Variants in NKX1-1 observed in about 807,000 individuals in gnomAD.
NKX1-1 encodes the protein NK1 transcription factor-related protein 1.
In NKX1-1, 7 loss-of-function variants were observed where a neutral mutation model predicts 1.7. The observed-to-expected ratio is 4.22, with a 90% confidence interval of 2.40 to 7.92. The LOEUF is 7.92. Among genes scored for constraint, NKX1-1 ranks in the 30% most tolerant of loss-of-function variants. The pLI is 0.00. For missense variants in NKX1-1, 453 were observed against 171.5 expected, an observed-to-expected ratio of 2.64 and a Z score of -9.17; for synonymous variants, 242 against 85.3, an observed-to-expected ratio of 2.84 and a Z score of -10.13.
rs1250609500 is a variant in NKX1-1, at chr4:1,403,164, G to A, written c.1115C>T (p.Pro372Leu). The change falls in exon 2 of 2, where the codon CCG (proline) becomes CTG (leucine). Residue 372 changes from proline to leucine, a missense_variant. Pro to Leu is a moderately conservative substitution (Grantham distance 98, BLOSUM62 -3). Transcript: ENST00000422806. Reference protein sequence around the residue: ...APTGGGGGPGPGAGPGTGLPG... With the variant: ...APTGGGGGPGLGAGPGTGLPG... ...CAGCCCCGTGCCAGGCCCGGCCCCC[G>A]GTCCCGGTCCGCCCCCGCCGCCGGT... is the stretch of plus-strand genomic sequence containing the variant. 5.0e-6 allele frequency: 3 copies of A among 596,760 alleles called. No individual in the cohort carries two copies. Among genetic ancestry groups the A allele is most frequent in the South Asian group, 3.6e-5 (2 of 55,002 alleles). The allele number at this position is 596,760 out of a possible 1,614,324, so 37.0% of individuals were successfully genotyped here. A position where few individuals can be genotyped will look rare whatever the true frequency, so the allele number is the denominator to read the frequency against.
chr4:1,406,425 G>A lies in NKX1-1; in HGVS notation c.18C>T (p.Pro6=), dbSNP rs570151861. The A allele has an allele frequency of 1.0e-4, 34 of 340,352 alleles. 1 individual carries two copies. In the South Asian group the frequency reaches 4.5e-3, roughly 45 times the overall value. The allele number at this position is 340,352 out of a possible 1,614,324, so 21.1% of individuals were successfully genotyped here. Residue 6 remains proline (P), a synonymous_variant, in exon 1 of 2, where the codon CCC becomes CCT. Transcript: ENST00000422806. ...GCGCGGGAATGTCCCCAGGAGCCTC[G>A]GGGCCGCTAGCGCTCATGCCGGCCT... MSASG[P]EAPGDIPALP...
In NKX1-1 at chr4:1,403,067, C is replaced by A; in HGVS notation, c.1212G>T (p.Gly404=). ...GAPLGMHGPA[G]YPAHGPGGLV... is the part of the protein sequence containing the mutation. Reference sequence around the variant, plus strand: ...GGCCTCCGGGGCCGTGCGCCGGGTACCCGGCCGGGCCGTGCATGCCGAGCG... The same window carrying A: ...GGCCTCCGGGGCCGTGCGCCGGGTAACCGGCCGGGCCGTGCATGCCGAGCG... The change falls in exon 2 of 2, where the codon GGG becomes GGT. Residue 404 remains glycine (G), a synonymous_variant. Transcript: ENST00000422806. 1 of 487,434 alleles carries A rather than the reference C, an allele frequency of 2.1e-6. No homozygotes were observed. The highest frequency in any genetic ancestry group is 3.6e-6 in the Non-Finnish European group (1 of 277,756). 30.2% of individuals were successfully genotyped at this position (487,434 alleles called of 1,614,324 possible).
chr4:1,403,852 T>C, intron 1 of NKX1-1, 37 bp from the exon 2 acceptor site: 1 of 598,682 alleles, frequency 1.7e-6, no homozygotes, highest in Non-Finnish European at 3.0e-6. Flanking sequence ...GCAGGGCAGT[T>C]AGGACCGGCC....
In NKX1-1 at chr4:1,403,777, T is replaced by G. The variant is rs912730928; in HGVS notation, c.502A>C (p.Asn168His). 5.9e-6 allele frequency: 4 copies of G among 683,730 alleles called. No homozygotes were observed. The Admixed American group carries it at 8.2e-5, about 14-fold the overall frequency. 42.4% of individuals were successfully genotyped at this position (683,730 alleles called of 1,614,324 possible). ...CCGCTGCTGTAGCCGTTGGTGTCGTTGGTCTCGGCCTCCCCTGCCTTGAAG... is the reference window on the plus strand; with the variant it reads ...CCGCTGCTGTAGCCGTTGGTGTCGTGGGTCTCGGCCTCCCCTGCCTTGAAG... The part of the protein sequence containing the change: ...DPFKAGEAET[N>H]DTNGYSSGGG... The change falls in exon 2 of 2, where the codon AAC becomes CAC. Residue 168 changes from asparagine to histidine, a missense_variant. Coordinates refer to ENST00000422806, the MANE Select transcript of NKX1-1 (RefSeq NM_001290079.1).
Position 1,403,572 on chromosome 4 carries a change from G to A in NKX1-1, c.707C>T (p.Ser236Phe), listed in dbSNP as rs1316048441. 4.4e-6 allele frequency: 2 copies of A among 454,078 alleles called. No homozygotes were observed. The highest frequency in any genetic ancestry group is 3.6e-5 in the East Asian group (1 of 27,770). The allele number at this position is 454,078 out of a possible 1,614,324, so 28.1% of individuals were successfully genotyped here. Residue 236 changes from serine to phenylalanine, a missense_variant, in exon 2 of 2, where the codon TCC becomes TTC. By Grantham distance (155) the Ser-to-Phe change is radical (BLOSUM62 -2). Transcript: ENST00000422806. Reference sequence around the variant, plus strand: ...TGCCTCGTCGACGGTGGCTCCGGGGGACGCGTCGGTCTCAGCCGCGCCCTG... The same window carrying A: ...TGCCTCGTCGACGGTGGCTCCGGGGAACGCGTCGGTCTCAGCCGCGCCCTG... ...GCQGAAETDA[S>F]PGATVDEAAA... is the part of the protein sequence containing the mutation.
Position 1,406,240 on chromosome 4 carries a change from G to GC in NKX1-1, c.202dup (p.Ala68GlyfsTer85). ...GGGCGCTGCGGGCCGGGCCGCTCCA[G>GC]CCCCCTCGGGCGCCGCAGGCACAGT... On this transcript the variant is annotated frameshift_variant, in exon 1 of 2. Transcript: ENST00000422806. LOFTEE classifies it high-confidence loss of function. The GC allele has an allele frequency of 2.1e-6, 1 of 485,902 alleles. No homozygotes were observed. The highest frequency in any genetic ancestry group is 3.6e-6 in the Non-Finnish European group (1 of 278,542). The allele number at this position is 485,902 out of a possible 1,614,324, so 30.1% of individuals were successfully genotyped here. A position where few individuals can be genotyped will look rare whatever the true frequency, so the allele number is the denominator to read the frequency against.
chr4:1,404,689 G>A (rs1472602227), intron 1 of NKX1-1, among the ~76,000 whole-genome samples: 1 of 152,260 alleles, frequency 6.6e-6, no homozygotes, highest in Non-Finnish European at 1.5e-5. Flanking sequence ...CCTATGCCCC[G>A]GCACTGGGGG....
rs192833730 is a variant in NKX1-1 at position 1,405,214 on chromosome 4, C to T, written c.463+766G>A. Among the ~76,000 whole-genome samples, 66 of 152,342 alleles carry T rather than the reference C, an allele frequency of 4.3e-4. 1 individual carries two copies. The South Asian group carries it at 4.3e-3, about 10-fold the overall frequency. On this transcript the variant is annotated intron_variant, in intron 1 of 1. Transcript: ENST00000422806. ...CCCGGTCCGCCCCGCGCTGTCCTCC[C>T]TGTGCTTCAGTAGGGCCGGAAAGTT...
chr4:1,403,175 G>GC lies in NKX1-1; in HGVS notation c.1103dup (p.Gly369ArgfsTer?). ...CAGGCCCGGCCCCCGGTCCCGGTCCGCCCCCGCCGCCGGTCGGAGCGCTGG... is the reference window on the plus strand; with the variant it reads ...CAGGCCCGGCCCCCGGTCCCGGTCCGCCCCCCGCCGCCGGTCGGAGCGCTGG... On this transcript the variant is annotated frameshift_variant, in exon 2 of 2. Coordinates refer to ENST00000422806, the MANE Select transcript of NKX1-1 (RefSeq NM_001290079.1). LOFTEE classifies it low-confidence loss of function (END_TRUNC). The GC allele has an allele frequency of 1.6e-6, 1 of 630,362 alleles. No individual in the cohort carries two copies. The highest frequency in any genetic ancestry group is 2.9e-6 in the Non-Finnish European group (1 of 345,570). The allele number at this position is 630,362 out of a possible 1,614,324, so 39.0% of individuals were successfully genotyped here. A position where few individuals can be genotyped will look rare whatever the true frequency, so the allele number is the denominator to read the frequency against.
rs13133264 is a variant in NKX1-1, at chr4:1,403,823, A to C, written c.464-8T>G. The C allele has an allele frequency of 0.37, 242,369 of 656,454 alleles. 48,221 individuals carry two copies. Among genetic ancestry groups the C allele is most frequent in the Non-Finnish European group, 0.43 (154,694 of 363,946 alleles). The allele number at this position is 656,454 out of a possible 1,614,324, so 40.7% of individuals were successfully genotyped here. A position where few individuals can be genotyped will look rare whatever the true frequency, so the allele number is the denominator to read the frequency against. ...TGAAGGGGTCGCCGGCGTCTGCGGG[A>C]GGGAGGGACAAGGACAGGGCAGGGC... On this transcript the variant is annotated splice_region_variant and splice_polypyrimidine_tract_variant and intron_variant, in intron 1 of 1. Coordinates refer to ENST00000422806, the MANE Select transcript of NKX1-1 (RefSeq NM_001290079.1).
chr4:1,406,269 G>A lies in NKX1-1; in HGVS notation c.174C>T (p.Ser58=), dbSNP rs1720749549. The A allele has an allele frequency of 4.8e-6, 2 of 419,784 alleles. No homozygotes were observed. The highest frequency in any genetic ancestry group is 3.7e-5 in the East Asian group (1 of 27,062). 26.0% of individuals were successfully genotyped at this position (419,784 alleles called of 1,614,324 possible). ...CCTCGGGCGCCGCAGGCACAGTGTCGCTGGCCGCGAGCGGCGGGGCTCCAG... is the reference window on the plus strand; with the variant it reads ...CCTCGGGCGCCGCAGGCACAGTGTCACTGGCCGCGAGCGGCGGGGCTCCAG... ...PRAGAPPLAA[S]DTVPAAPEGA... The change falls in exon 1 of 2, where the codon AGC becomes AGT. Residue 58 remains serine (S), a synonymous_variant. Coordinates refer to ENST00000422806, the MANE Select transcript of NKX1-1 (RefSeq NM_001290079.1).
chr4:1,405,109 C>T (rs11731672), intron 1 of NKX1-1, among the ~76,000 whole-genome samples: 47,184 of 152,186 alleles, frequency 0.31, 8,661 homozygotes, highest in Non-Finnish European at 0.42. Flanking sequence ...TGTTCGCCCT[C>T]CATCTCGGCC....
In NKX1-1 at chr4:1,403,573, A is replaced by T. The variant is rs200249698; in HGVS notation, c.706T>A (p.Ser236Thr). The T allele has an allele frequency of 4.4e-6, 2 of 452,580 alleles. No homozygotes were observed. Among genetic ancestry groups the T allele is most frequent in the East Asian group, 7.2e-5 (2 of 27,664 alleles). The allele number at this position is 452,580 out of a possible 1,614,324, so 28.0% of individuals were successfully genotyped here. Residue 236 changes from serine to threonine, a missense_variant, in exon 2 of 2, where the codon TCC (serine) becomes ACC (threonine). Transcript: ENST00000422806. The stretch of plus-strand genomic sequence containing the variant: ...GCCTCGTCGACGGTGGCTCCGGGGG[A>T]CGCGTCGGTCTCAGCCGCGCCCTGG... ...GCQGAAETDA[S>T]PGATVDEAAA...
chr4:1,406,388 G>C lies in NKX1-1; in HGVS notation c.55C>G (p.Pro19Ala), dbSNP rs911412952. 1.7e-5 allele frequency: 6 copies of C among 357,380 alleles called. No individual in the cohort carries two copies. In the Admixed American group the frequency reaches 2.8e-4, roughly 17 times the overall value. 22.1% of individuals were successfully genotyped at this position (357,380 alleles called of 1,614,324 possible). The stretch of plus-strand genomic sequence containing the variant: ...GGTGCGGGCCCCGAACCTGGCTGGG[G>C]AGGCGGCGGTAGCGCGGGAATGTCC... Reference protein sequence around the residue: ...PGDIPALPPPPQPGSGPAPPA... With the variant: ...PGDIPALPPPAQPGSGPAPPA... The change falls in exon 1 of 2, where the codon CCC becomes GCC. Residue 19 changes from proline to alanine, a missense_variant. Physicochemically the swap from Pro to Ala is conservative, Grantham distance 27 (BLOSUM62 -1). Transcript: ENST00000422806.
chr4:1,405,328 T>A (rs968389780), intron 1 of NKX1-1, among the ~76,000 whole-genome samples: 8 of 152,002 alleles, frequency 5.3e-5, no homozygotes, highest in Non-Finnish European at 2.9e-5. Flanking sequence ...GTGTAATAGG[T>A]TTTAATCGAG....
chr4:1,404,343 G>C (rs544860096), intron 1 of NKX1-1, among the ~76,000 whole-genome samples: 2 of 152,242 alleles, frequency 1.3e-5, no homozygotes, highest in Non-Finnish European at 2.9e-5. Context: ...GGTGGGGCCG[G>C]AGCCGGCCGA....
At chr4:1,405,440 G>T (rs1490554181) in intron 1 of NKX1-1, among the ~76,000 whole-genome samples, 1 of 152,264 alleles carries the variant, frequency 6.6e-6, no homozygotes, top group East Asian at 1.9e-4. Context: ...CGACCCGACC[G>T]GGGGCGCGGG....
At chr4:1,405,018 C>A (rs1720725290) in intron 1 of NKX1-1, among the ~76,000 whole-genome samples, 1 of 152,252 alleles carries the variant, frequency 6.6e-6, no homozygotes, top group Non-Finnish European at 1.5e-5. Context: ...CCCGGCCTTC[C>A]GCCCCATAGA....
Position 1,402,943 on chromosome 4 carries a change from G to A in NKX1-1, c.1336C>T (p.Pro446Ser), listed in dbSNP as rs1720677064. Residue 446 changes from proline (P) to serine (S), a missense_variant, in exon 2 of 2, where the codon CCG becomes TCG. Physicochemically the swap from Pro to Ser is moderately conservative, Grantham distance 74. Transcript: ENST00000422806. ...GAGCGGCACGGGGCTCAGAGGTGCG[G>A]CGCGTAGAAGGCGGGCGCCCCGTAG... ...QTYGAPAFYA[P>S]HL is the part of the protein sequence containing the mutation. 4.5e-6 allele frequency: 3 copies of A among 665,608 alleles called. No individual in the cohort carries two copies. Among genetic ancestry groups the A allele is most frequent in the Non-Finnish European group, 8.1e-6 (3 of 369,818 alleles). 41.2% of individuals were successfully genotyped at this position (665,608 alleles called of 1,614,324 possible).
Sources: allele counts gnomAD v4.1 joint callset (sites outside exome capture counted in the v4.1 genomes callset), GRCh38; gene constraint gnomAD v4.1.1; transcripts MANE v1.5; gene names NCBI Gene and HGNC (gene_info 2026-07-23, HGNC 2026-07-21).